The following CDH16 variants were observed in gnomAD, a reference collection of about 807,000 sequenced individuals.
CDH16 encodes the protein cadherin 16, also known as cadherin-16.
In CDH16, 79 loss-of-function variants were observed where a neutral mutation model predicts 87.6. The ratio of observed to expected loss-of-function variants is 0.90; its 90% CI spans 0.75 to 1.09. CDH16 has a LOEUF of 1.09. Ranked by LOEUF, CDH16 falls within the 50% of genes least tolerant of loss-of-function variation. The pLI is 0.00. For synonymous variants in CDH16, 457 were observed against 439.5 expected (o/e 1.04, Z -0.50); for missense variants, 1,124 against 1,071.7 (o/e 1.05, Z -0.68).
intron 14 of CDH16, 103 bp from the exon 15 acceptor site, chr16:66,910,605 C>T (rs1962369911): frequency 3.3e-6 from 4 of 1,222,020 alleles, no homozygotes; most frequent in South Asian, 2.1e-5. Context: ...GCCTTATAGA[C>T]TCCCCTGCCA....
chr16:66,910,683 G>A (rs1349772406), intron 14 of CDH16, 181 bp from the exon 15 acceptor site: 7 of 637,738 alleles, frequency 1.1e-5, no homozygotes, highest in Admixed American at 7.7e-5. Flanking sequence ...TGACTTTGGC[G>A]GAGCTCACTG....
rs370868898 is a variant in CDH16, at chr16:66,911,148, C to A, written c.1924+34G>T. ...GTCTGTCTGTCTGAGGTTTGTACCC[C>A]CTCCCAGGGGCTCCCATCACTGCCT... On this transcript the variant is annotated intron_variant, in intron 14 of 17. Coordinates refer to ENST00000299752, the MANE Select transcript of CDH16 (RefSeq NM_004062.4). 9 of 1,586,052 alleles carry A rather than the reference C, an allele frequency of 5.7e-6. No individual in the cohort carries two copies. In the African/African-American group the frequency reaches 9.4e-5, roughly 17 times the overall value.
rs1235201138 is a variant in CDH16, at chr16:66,912,736, C to T, written c.1210G>A (p.Val404Met). 1 of 1,613,794 alleles carries T rather than the reference C, an allele frequency of 6.2e-7. No individual in the cohort carries two copies. Among genetic ancestry groups the T allele is most frequent in the Non-Finnish European group, 8.5e-7 (1 of 1,180,028 alleles). ...DPTSGSVTLG[V>M]LPLRAGQNIL... ...TTCTGGCCTGCTCGGAGTGGGAGCA[C>T]CCCCAGCGTCACACTGCCTGAAGTG... The change falls in exon 10 of 18, where the codon GTG becomes ATG. Residue 404 changes from valine (V) to methionine (M), a missense_variant. Transcript: ENST00000299752.
In CDH16 at chr16:66,912,036, C is replaced by T. The variant is rs1448197119; in HGVS notation, c.1653G>A (p.Val551=). The T allele has an allele frequency of 6.2e-7, 1 of 1,614,160 alleles. No homozygotes were observed. Among genetic ancestry groups the T allele is most frequent in the Non-Finnish European group, 8.5e-7 (1 of 1,180,034 alleles). The stretch of plus-strand genomic sequence containing the variant: ...GCATCACTCTCTCCACTAGCACAGT[C>T]ACCGTGGCGGTGGCTCCAGGGCCTG... ...PGPGPGATAT[V]TVLVERVMPP... Residue 551 remains valine, a synonymous_variant, in exon 13 of 18, where the codon GTG becomes GTA. Transcript: ENST00000299752.
chr16:66,913,455 C>T (rs1962526471), intron 8 of CDH16, 36 bp downstream of exon 8: 43 of 1,613,772 alleles, frequency 2.7e-5, no homozygotes, highest in Non-Finnish European at 3.6e-5. Flanking sequence ...GACCAAGCAC[C>T]CCCAGCCTGC....
chr16:66,909,571 C>T lies in CDH16; in HGVS notation c.2276-188G>A, dbSNP rs958463575. ...CTGTAATCCCAGCCCTTTGGGAGGCCGAAATGGGTGGATCACTTAAGCCAG... is the reference window on the plus strand; with the variant it reads ...CTGTAATCCCAGCCCTTTGGGAGGCTGAAATGGGTGGATCACTTAAGCCAG... On this transcript the variant is annotated intron_variant, in intron 16 of 17. Transcript: ENST00000299752. The surrounding 1 kb of genome is among the most constrained non-coding windows in gnomAD (Gnocchi z 4.1). Among the ~76,000 whole-genome samples the T allele has an allele frequency of 6.6e-6, 1 of 152,160 alleles. No homozygotes were observed. Among genetic ancestry groups the T allele is most frequent in the Non-Finnish European group, 1.5e-5 (1 of 67,998 alleles).
At chr16:66,914,576 A>G (rs138615648) in intron 6 of CDH16, among the ~76,000 whole-genome samples, 164 bp from the exon 7 acceptor site, 101 of 152,340 alleles carry the variant, frequency 6.6e-4, no homozygotes, top group African/African-American at 2.2e-3. Context: ...TGAGCCTCCA[A>G]CAAGGACATG....
chr16:66,913,154 C>T lies in CDH16; in HGVS notation c.1031G>A (p.Ser344Asn), dbSNP rs1433840622. ...PICPPRDPTV[S>N]IPELSPPGTE... is the part of the protein sequence containing the mutation. ...ACCTGGTGGACTGAGCTCAGGGATG[C>T]TGACTGTGGGGTCACGGGGAGGGCA... Residue 344 changes from serine to asparagine, a missense_variant, in exon 9 of 18, where the codon AGC becomes AAC. By Grantham distance (46) the Ser-to-Asn change is conservative. Coordinates refer to ENST00000299752, the MANE Select transcript of CDH16 (RefSeq NM_004062.4). The T allele has an allele frequency of 6.2e-7, 1 of 1,609,830 alleles. No individual in the cohort carries two copies. Among genetic ancestry groups the T allele is most frequent in the Admixed American group, 1.7e-5 (1 of 59,236 alleles).
chr16:66,917,304 G>GA (rs899581016), intron 3 of CDH16, among the ~76,000 whole-genome samples: 3 of 149,934 alleles, frequency 2.0e-5, no homozygotes, highest in South Asian at 2.1e-4. Flanking sequence ...CGTCTCAAAA[G>GA]AAAAAAAAAT....
intron 14 of CDH16, 188 bp from the exon 15 acceptor site, chr16:66,910,690 A>C: frequency 3.2e-6 from 2 of 615,828 alleles, no homozygotes; most frequent in East Asian, 3.3e-5. Context: ...GGCGGAGCTC[A>C]CTGCTGCTGG....
Position 66,908,178 on chromosome 16 carries a change from C to T in CDH16, c.*214G>A. ...TGGGGCTTTATTATTGGGCAAACAC[C>T]CTGACATTTGGAGCACTCCCATGGG... is the stretch of plus-strand genomic sequence containing the variant. On this transcript the variant is annotated 3_prime_UTR_variant, in exon 18 of 18. Transcript: ENST00000299752. 1 of 576,866 alleles carries T rather than the reference C, an allele frequency of 1.7e-6. No homozygotes were observed. Among genetic ancestry groups the T allele is most frequent in the South Asian group, 2.2e-5 (1 of 45,682 alleles). The allele number at this position is 576,866 out of a possible 1,614,324, so 35.7% of individuals were successfully genotyped here. A position where few individuals can be genotyped will look rare whatever the true frequency, so the allele number is the denominator to read the frequency against.
Position 66,912,570 on chromosome 16 carries a change from G to A in CDH16, c.1293C>T (p.Ser431=). Residue 431 remains serine, a synonymous_variant, in exon 11 of 18, where the codon AGC becomes AGT. Transcript: ENST00000299752. ...TGACTGCGACTTCGACTTCACACGT[G>A]CTGCTGAAGCCTAGGGCAGAGGTGG... The part of the protein sequence containing the change: ...DLAGAEGGFS[S]TCEVEVAVTD... The A allele has an allele frequency of 3.1e-6, 5 of 1,614,206 alleles. No individual in the cohort carries two copies. The highest frequency in any genetic ancestry group is 3.4e-6 in the Non-Finnish European group (4 of 1,180,024).
rs374852035 is a variant in CDH16 at position 66,912,008 on chromosome 16, G to T, written c.1681C>A (p.Pro561Thr). 7 of 1,614,120 alleles carry T rather than the reference G, an allele frequency of 4.3e-6. No individual in the cohort carries two copies. In the Admixed American group the frequency reaches 1.0e-4, roughly 23 times the overall value. Reference sequence around the variant, plus strand: ...TAGCTCTCCTGGTCCAACTTGGGGGGTGGCATCACTCTCTCCACTAGCACA... The same window carrying T: ...TAGCTCTCCTGGTCCAACTTGGGGGTTGGCATCACTCTCTCCACTAGCACA... The part of the protein sequence containing the change: ...VTVLVERVMP[P>T]PKLDQESYEA... The change falls in exon 13 of 18, where the codon CCC (proline) becomes ACC (threonine). Residue 561 changes from proline (P) to threonine (T), a missense_variant. Coordinates refer to ENST00000299752, the MANE Select transcript of CDH16 (RefSeq NM_004062.4).
chr16:66,917,602 G>A, intron 3 of CDH16, 40 bp downstream of exon 3: 1 of 1,451,456 alleles, frequency 6.9e-7, no homozygotes, highest in Non-Finnish European at 9.6e-7. Context: ...ACTTTGCGGG[G>A]AGGGATCCCC....
intron 6 of CDH16, 120 bp from the exon 7 acceptor site, chr16:66,914,532 G>T: frequency 1.4e-6 from 1 of 708,142 alleles, no homozygotes. Context: ...ACACTCTCTT[G>T]GCCAAGGGAA....
intron 6 of CDH16, 119 bp downstream of exon 6, chr16:66,915,101 G>T: frequency 1.1e-6 from 1 of 935,908 alleles, no homozygotes; most frequent in Non-Finnish European, 1.6e-6. Flanking sequence ...TCCACCTAGA[G>T]TGCCCTTCCC....
Position 66,912,378 on chromosome 16 carries a change from A to G in CDH16, c.1412T>C (p.Met471Thr), listed in dbSNP as rs1962467515. The G allele has an allele frequency of 1.2e-6, 2 of 1,614,118 alleles. No homozygotes were observed. Among genetic ancestry groups the G allele is most frequent in the Non-Finnish European group, 1.7e-6 (2 of 1,180,012 alleles). The change falls in exon 12 of 18, where the codon ATG becomes ACG. Residue 471 changes from methionine to threonine, a missense_variant. Met to Thr is a moderately conservative substitution (Grantham distance 81, BLOSUM62 -1). Transcript: ENST00000299752. Reference sequence around the variant, plus strand: ...GAGGTCAGCATCAATGGCTGTTAGCATGGCCACCAGAGTCCCGGGCTCCAC... The same window carrying G: ...GAGGTCAGCATCAATGGCTGTTAGCGTGGCCACCAGAGTCCCGGGCTCCAC... The part of the protein sequence containing the change: ...EDVEPGTLVA[M>T]LTAIDADLEP...
chr16:66,917,741 C>T lies in CDH16; in HGVS notation c.46-16G>A. 6.3e-7 allele frequency: 1 copy of T among 1,595,106 alleles called. No individual in the cohort carries two copies. The highest frequency in any genetic ancestry group is 8.6e-7 in the Non-Finnish European group (1 of 1,166,930). ...TGGGGAGAGCCTGTGGGAGGATTCT[C>T]ACCTTGTCACCAGGCTCTATCTTCC... is the stretch of plus-strand genomic sequence containing the variant. On this transcript the variant is annotated splice_polypyrimidine_tract_variant and intron_variant, in intron 2 of 17. Coordinates refer to ENST00000299752, the MANE Select transcript of CDH16 (RefSeq NM_004062.4).
Position 66,910,318 on chromosome 16 carries a change from G to A in CDH16, c.2109C>T (p.Ser703=). ...CCGTGGGGTTGGGACCAAGGGTGAA[G>A]CTGTAGGGACCGTGCCCACTGGCCA... ...PDLASGHGPY[S]FTLGPNPTVQ... The change falls in exon 15 of 18, where the codon AGC becomes AGT. Residue 703 remains serine, a synonymous_variant. Transcript: ENST00000299752. 1 of 1,613,674 alleles carries A rather than the reference G, an allele frequency of 6.2e-7. No homozygotes were observed. The highest frequency in any genetic ancestry group is 8.5e-7 in the Non-Finnish European group (1 of 1,179,796).
Sources: gnomAD v4.1 joint callset for allele counts (sites outside exome capture counted in the v4.1 genomes callset) on GRCh38, gnomAD v4.1.1 for gene constraint, Gnocchi (gnomAD v3.1) non-coding constraint, MANE v1.5 for transcripts, NCBI Gene and HGNC (gene_info 2026-07-23, HGNC 2026-07-21) for gene names.